Variants in SPIDR observed in about 807,000 individuals in gnomAD.
SPIDR encodes scaffold protein involved in DNA repair.
SPIDR carries 93 observed loss-of-function variants against 104.6 expected under a neutral mutation model. That is an observed-to-expected ratio of 0.89 (90% CI 0.75 to 1.06). SPIDR has a LOEUF of 1.06. Ranked by LOEUF, SPIDR falls within the 50% of genes least tolerant of loss-of-function variation. SPIDR has a pLI of 0.00. For missense variants in SPIDR, 1,154 were observed against 1,111.2 expected (o/e 1.04, Z -0.55); for synonymous variants, 431 against 416.9 (o/e 1.03, Z -0.41).
At chr8:47,554,767 C>T (rs925348726) in intron 8 of SPIDR, among the ~76,000 whole-genome samples, 2 of 152,172 alleles carry the variant, frequency 1.3e-5, no homozygotes, top group Admixed American at 6.5e-5. Flanking sequence ...CCGACAAGCC[C>T]CAGTGATATG....
intron 8 of SPIDR, among the ~76,000 whole-genome samples, chr8:47,567,344 C>T (rs1441378312): frequency 6.6e-6 from 1 of 151,890 alleles, no homozygotes; most frequent in Non-Finnish European, 1.5e-5. Flanking sequence ...CTCAGCCTCC[C>T]GAGTAGCTGG....
intron 14 of SPIDR, among the ~76,000 whole-genome samples, chr8:47,706,391 TCAACAA>T (rs547604595): frequency 8.5e-5 from 13 of 152,050 alleles, no homozygotes; most frequent in Non-Finnish European, 1.9e-4. Flanking sequence ...AGACTCTGTC[TCAACAA>T]CAACAACAAC....
chr8:47,680,346 C>T (rs902281807), intron 11 of SPIDR, among the ~76,000 whole-genome samples: 1 of 152,184 alleles, frequency 6.6e-6, no homozygotes, highest in African/African-American at 2.4e-5. Flanking sequence ...GTGACTGGCC[C>T]AGGGTCCACC....
chr8:47,657,285 G>GA (rs532604030), intron 10 of SPIDR, among the ~76,000 whole-genome samples: 36 of 149,474 alleles, frequency 2.4e-4, no homozygotes, highest in South Asian at 1.1e-3. Flanking sequence ...TTGTGCTGAG[G>GA]AAAAAAAAAA....
At chr8:47,405,154 T>TG (rs1554666474) in intron 6 of SPIDR, among the ~76,000 whole-genome samples, 1 of 151,284 alleles carries the variant, frequency 6.6e-6, no homozygotes, top group African/African-American at 2.4e-5. Context: ...AGTTGAACGG[T>TG]GAGATCACTT....
At chr8:47,286,299 G>GA (rs1281009952) in intron 3 of SPIDR, among the ~76,000 whole-genome samples, 3 of 152,086 alleles carry the variant, frequency 2.0e-5, no homozygotes, top group Non-Finnish European at 4.4e-5. Context: ...GCTGCTGGCT[G>GA]AAAAAAGGCA....
chr8:47,371,822 T>C (rs2058069618), intron 5 of SPIDR, among the ~76,000 whole-genome samples: 1 of 152,206 alleles, frequency 6.6e-6, no homozygotes, highest in Non-Finnish European at 1.5e-5. Context: ...TTCCACCAGG[T>C]AAGACAGAAA....
chr8:47,447,882 A>G (rs1482453190), intron 8 of SPIDR, among the ~76,000 whole-genome samples: 15 of 152,236 alleles, frequency 9.9e-5, no homozygotes, highest in Non-Finnish European at 1.9e-4. Context: ...TTTTTTACCA[A>G]TAAAGTGTTT....
In SPIDR at chr8:47,462,255, T is replaced by C. The variant is rs189451144; in HGVS notation, c.1097+21713T>C. Among the ~76,000 whole-genome samples the C allele has an allele frequency of 1.3e-4, 20 of 152,336 alleles. No homozygotes were observed. In the East Asian group the frequency reaches 2.3e-3, roughly 18 times the overall value. ...ACCGAGGGTTGTCTGCACAGAGTCC[T>C]GTAATGTGAACCGTCTTGAGGTTTC... On this transcript the variant is annotated intron_variant, in intron 8 of 19. Coordinates refer to ENST00000297423, the MANE Select transcript of SPIDR (RefSeq NM_001080394.4).
rs370681109 is a variant in SPIDR at position 47,340,661 on chromosome 8, G to A, written c.525+46631G>A. Among the ~76,000 whole-genome samples the A allele has an allele frequency of 1.2e-4, 18 of 152,302 alleles. No individual in the cohort carries two copies. In the South Asian group the frequency reaches 1.5e-3, roughly 12 times the overall value. On this transcript the variant is annotated intron_variant, in intron 5 of 19. Transcript: ENST00000297423. ...AAAATCCTTGGAGTGTCTTTGTTGC[G>A]TAATTAGGTGGAGATCTCTGAAGGT...
chr8:47,713,778 C>A, intron 16 of SPIDR, 137 bp downstream of exon 16: 3 of 1,198,200 alleles, frequency 2.5e-6, no homozygotes, highest in Non-Finnish European at 3.4e-6. Context: ...AGAACAAAAG[C>A]AGAAATTGTT....
At chr8:47,350,061 G>A (rs550684681) in intron 5 of SPIDR, among the ~76,000 whole-genome samples, 28 of 152,320 alleles carry the variant, frequency 1.8e-4, no homozygotes, top group Non-Finnish European at 2.8e-4. Context: ...CGCTCATGCT[G>A]GGAGCTTTAG....
At chr8:47,684,126 CAAAAA>C (rs748328609) in intron 11 of SPIDR, among the ~76,000 whole-genome samples, 2 of 38,148 alleles carry the variant, frequency 5.2e-5, no homozygotes, top group African/African-American at 1.1e-4. Flanking sequence ...GACTCTGTCT[CAAAAA>C]AAAAAAAAAA....
intron 1 of SPIDR, among the ~76,000 whole-genome samples, chr8:47,276,353 C>T (rs62542990): frequency 0.022 from 3,302 of 152,214 alleles, 51 homozygotes; most frequent in Middle Eastern, 0.058. Flanking sequence ...TGGAAAAAAG[C>T]GAAACCTACT....
intron 10 of SPIDR, among the ~76,000 whole-genome samples, chr8:47,608,771 C>T (rs750015385): frequency 5.9e-5 from 9 of 152,260 alleles, no homozygotes; most frequent in Admixed American, 2.0e-4. Flanking sequence ...GTCGCCAGGG[C>T]GGAGTGCAGT....
At chr8:47,728,178 C>G (rs971135716) in intron 17 of SPIDR, among the ~76,000 whole-genome samples, 3 of 151,576 alleles carry the variant, frequency 2.0e-5, no homozygotes, top group African/African-American at 7.3e-5. Context: ...CGCCTGTAAT[C>G]CCAATACTGT....
At chr8:47,476,190 G>A (rs1218052587) in intron 8 of SPIDR, among the ~76,000 whole-genome samples, 3 of 152,162 alleles carry the variant, frequency 2.0e-5, no homozygotes, top group African/African-American at 7.2e-5. Flanking sequence ...GGCATTGCTT[G>A]ACGGATGGTC....
At chr8:47,434,230 G>A (rs184839070) in intron 7 of SPIDR, among the ~76,000 whole-genome samples, 4 of 152,312 alleles carry the variant, frequency 2.6e-5, no homozygotes, top group Non-Finnish European at 5.9e-5. Context: ...CACATGGGAA[G>A]CAGATGGACT....
intron 8 of SPIDR, among the ~76,000 whole-genome samples, chr8:47,526,949 A>G (rs1054363337): frequency 6.6e-6 from 1 of 152,236 alleles, no homozygotes; most frequent in Non-Finnish European, 1.5e-5. Context: ...GGACGTATCC[A>G]GCAGAACTCA....
Sources: allele counts gnomAD v4.1 joint callset (sites outside exome capture counted in the v4.1 genomes callset), GRCh38; gene constraint gnomAD v4.1.1; transcripts MANE v1.5; gene names NCBI Gene and HGNC (gene_info 2026-07-23, HGNC 2026-07-21).